FBXL12: variants seen among roughly 807,000 people sequenced by gnomAD.
The protein encoded by FBXL12 is F-box/LRR-repeat protein 12.
Under a neutral mutation model 24.9 loss-of-function variants are expected in FBXL12, and 22 were observed. The observed-to-expected ratio is 0.88, with a 90% confidence interval of 0.63 to 1.26. The LOEUF (loss-of-function observed/expected upper bound fraction) is 1.26, where lower values mean the gene tolerates loss of function less well. Among genes scored for constraint, FBXL12 ranks in the 50% most tolerant of loss-of-function variants. The probability of loss-of-function intolerance (pLI) is 0.00; values close to 1 mark genes in which losing one functional copy is unlikely to be tolerated. For missense variants in FBXL12, 384 were observed against 434.1 expected (o/e 0.88, Z 1.03); for synonymous variants, 193 against 193.8 (o/e 1.00, Z 0.03).
intron 2 of FBXL12, chr19:9,813,400 G>A (rs182569588): frequency 6.3e-6 from 3 of 475,998 alleles, no homozygotes; most frequent in African/African-American, 2.0e-5. Flanking sequence ...GCAATGGCAC[G>A]ATCTCAGTCA....
rs771880488 is a variant in FBXL12, at chr19:9,811,543, C to T, written c.334G>A (p.Ala112Thr). The T allele has an allele frequency of 6.2e-7, 1 of 1,609,596 alleles. No homozygotes were observed. The highest frequency in any genetic ancestry group is 1.7e-5 in the Admixed American group (1 of 59,830). The change falls in exon 3 of 3, where the codon GCC (alanine) becomes ACC (threonine). Residue 112 changes from alanine to threonine, a missense_variant. Physicochemically the swap from Ala to Thr is moderately conservative, Grantham distance 58. Transcript: ENST00000247977. This position sits in a 1 kb window ranked among gnomAD's most constrained non-coding sequence, Gnocchi z 6.0. ...GTGATGGGCACCATGCTCAGGTCGG[C>T]CACGTGCAGGCAGAGGCGCTTCAGG... ...PNLKRLCLHVADLSMVPITSL... is the reference protein window; with the variant it reads ...PNLKRLCLHVTDLSMVPITSL...
intron 2 of FBXL12, chr19:9,813,243 T>G: frequency 8.1e-7 from 1 of 1,231,530 alleles, no homozygotes; most frequent in Non-Finnish European, 1.0e-6. Flanking sequence ...CTGCCTTTTA[T>G]TGCTGGATTT....
intron 2 of FBXL12, among the ~76,000 whole-genome samples, chr19:9,814,923 C>T (rs1233353438): frequency 2.8e-5 from 4 of 142,130 alleles, no homozygotes; most frequent in Non-Finnish European, 5.9e-5. Context: ...CAAACTATAT[C>T]ATTCCACCCC....
At chr19:9,818,283 C>T (rs1599432922) in intron 2 of FBXL12, 1 of 558,462 alleles carries the variant, frequency 1.8e-6, no homozygotes, top group Admixed American at 3.2e-5. Context: ...GTTCTAAGCC[C>T]TTTCCCTGCG....
At chr19:9,816,234 T>C (rs1402053013) in intron 2 of FBXL12, among the ~76,000 whole-genome samples, 1 of 152,182 alleles carries the variant, frequency 6.6e-6, no homozygotes. Flanking sequence ...TTCCCCATGG[T>C]CCTAATTAGG....
intron 2 of FBXL12, chr19:9,813,502 ATT>A (rs1298019169): frequency 9.1e-3 from 1,381 of 152,468 alleles, no homozygotes; most frequent in Middle Eastern, 0.02. Flanking sequence ...TGCCCGGCTA[ATT>A]TTTTTTTTTT....
intron 2 of FBXL12, chr19:9,814,360 A>T (rs1172398901): frequency 6.6e-6 from 1 of 152,116 alleles, no homozygotes; most frequent in Non-Finnish European, 1.5e-5. Flanking sequence ...ACAAAAAAAA[A>T]TTAGCCGAGT....
Position 9,810,803 on chromosome 19 carries a change from A to C in FBXL12, c.*93T>G. 5.8e-6 allele frequency: 6 copies of C among 1,033,452 alleles called. No homozygotes were observed. In the South Asian group the frequency reaches 1.1e-4, roughly 18 times the overall value. The allele number at this position is 1,033,452 out of a possible 1,614,324, so 64.0% of individuals were successfully genotyped here. A position where few individuals can be genotyped will look rare whatever the true frequency, so the allele number is the denominator to read the frequency against. On this transcript the variant is annotated 3_prime_UTR_variant, in exon 3 of 3. Coordinates refer to ENST00000247977, the MANE Select transcript of FBXL12 (RefSeq NM_017703.3). The stretch of plus-strand genomic sequence containing the variant: ...TCAACCTGGGGCTTTCAGTTTCCTC[A>C]AGTCTGATTATCTGCCCTCTTCAAG...
intron 2 of FBXL12, chr19:9,818,095 C>G (rs1599432561): frequency 2.6e-6 from 1 of 385,010 alleles, no homozygotes; most frequent in South Asian, 1.3e-4. Context: ...GCCCGTGGTT[C>G]CAGCTACTCA....
In FBXL12 at chr19:9,818,743, C is replaced by T. The variant is rs781726992; in HGVS notation, c.71G>A (p.Arg24Gln). The T allele has an allele frequency of 1.9e-6, 3 of 1,548,502 alleles. No homozygotes were observed. The highest frequency in any genetic ancestry group is 2.6e-6 in the Non-Finnish European group (3 of 1,143,628). Residue 24 changes from arginine (R) to glutamine (Q), a missense_variant, in exon 1 of 3, where the codon CGG (arginine) becomes CAG (glutamine). Physicochemically the swap from Arg to Gln is conservative, Grantham distance 43. Coordinates refer to ENST00000247977, the MANE Select transcript of FBXL12 (RefSeq NM_017703.3). ...GGGGCCGCACCTGGAGATGCGGATC[C>T]GGTCCCGTACCGGGAGGTAAGAGAA... ...EIFSYLPVRD[R>Q]IRISRVCHRW...
chr19:9,810,891 A>C lies in FBXL12; in HGVS notation c.*5T>G. The C allele has an allele frequency of 6.4e-7, 1 of 1,572,238 alleles. No homozygotes were observed. Among genetic ancestry groups the C allele is most frequent in the African/African-American group, 1.3e-5 (1 of 74,308 alleles). ...TGGGATGGGTCCCAAGGGCAGGTGG[A>C]GTAGTTACATCCACCAGTCCATAGA... On this transcript the variant is annotated 3_prime_UTR_variant, in exon 3 of 3. Transcript: ENST00000247977.
intron 2 of FBXL12, chr19:9,818,323 G>A (rs1192628508): frequency 5.2e-6 from 3 of 575,794 alleles, no homozygotes; most frequent in African/African-American, 3.8e-5. Context: ...TAATAGCCCC[G>A]TGAGGCAGGT....
intron 2 of FBXL12, among the ~76,000 whole-genome samples, chr19:9,813,646 C>G (rs142757122): frequency 0.012 from 1,809 of 152,200 alleles, 37 homozygotes; most frequent in African/African-American, 0.04. Flanking sequence ...GTACTACAGG[C>G]GTATGCCACC....
chr19:9,812,779 C>CA (rs1568344434), intron 2 of FBXL12, among the ~76,000 whole-genome samples: 11 of 114,582 alleles, frequency 9.6e-5, no homozygotes, highest in African/African-American at 3.4e-4. Flanking sequence ...AAAAAAAAAA[C>CA]AACAAATGAA....
chr19:9,811,797 C>T lies in FBXL12; in HGVS notation c.160-80G>A, dbSNP rs2045761548. ...CCCTGCTGGGCTGGAGACACACAAC[C>T]CCGGGGTGGGGGATTCTGGTGCCCT... On this transcript the variant is annotated intron_variant, in intron 2 of 2. Coordinates refer to ENST00000247977, the MANE Select transcript of FBXL12 (RefSeq NM_017703.3). This position sits in a 1 kb window ranked among gnomAD's most constrained non-coding sequence, Gnocchi z 6.0. 1 of 1,256,716 alleles carries T rather than the reference C, an allele frequency of 8.0e-7. No individual in the cohort carries two copies. Among genetic ancestry groups the T allele is most frequent in the South Asian group, 2.0e-5 (1 of 50,932 alleles). The allele number at this position is 1,256,716 out of a possible 1,614,324, so 77.8% of individuals were successfully genotyped here.
chr19:9,813,364 G>C, intron 2 of FBXL12: 1 of 833,102 alleles, frequency 1.2e-6, no homozygotes, highest in Non-Finnish European at 1.6e-6. Flanking sequence ...TTGAGACGGA[G>C]TTTTGCTTGT....
At position 9,811,219 on chromosome 19, in the gene FBXL12, G is replaced by A. The variant is rs374258236; in HGVS notation, c.658C>T (p.Leu220=). 2.2e-5 allele frequency: 36 copies of A among 1,613,212 alleles called. No homozygotes were observed. In the African/African-American group the frequency reaches 3.9e-4, roughly 17 times the overall value. ...CGGAGGTGGCGGCTGATGGCCAGCA[G>A]GGTGCTGTCGGCAGACAGGGTGCAG... is the stretch of plus-strand genomic sequence containing the variant. The part of the protein sequence containing the change: ...LGCTLSADST[L]LAISRHLRDV... Residue 220 remains leucine (L), a synonymous_variant, in exon 3 of 3, where the codon CTG becomes TTG. Coordinates refer to ENST00000247977, the MANE Select transcript of FBXL12 (RefSeq NM_017703.3). This position sits in a 1 kb window ranked among gnomAD's most constrained non-coding sequence, Gnocchi z 6.0.
In FBXL12 at chr19:9,811,453, G is replaced by A; in HGVS notation, c.424C>T (p.His142Tyr). The change falls in exon 3 of 3, where the codon CAC (histidine) becomes TAC (tyrosine). Residue 142 changes from histidine to tyrosine, a missense_variant. Physicochemically the swap from His to Tyr is moderately conservative, Grantham distance 83 (BLOSUM62 2). Coordinates refer to ENST00000247977, the MANE Select transcript of FBXL12 (RefSeq NM_017703.3). The surrounding 1 kb of genome is among the most constrained non-coding windows in gnomAD (Gnocchi z 6.0). Reference sequence around the variant, plus strand: ...AGCACGGTGGGGTCCTGCTGCTTGTGGAGCCAGGCCATGGAGATCTCGCAG... The same window carrying A: ...AGCACGGTGGGGTCCTGCTGCTTGTAGAGCCAGGCCATGGAGATCTCGCAG... Reference protein sequence around the residue: ...HSCEISMAWLHKQQDPTVLPL... With the variant: ...HSCEISMAWLYKQQDPTVLPL... The A allele has an allele frequency of 6.2e-7, 1 of 1,613,858 alleles. No individual in the cohort carries two copies. Among genetic ancestry groups the A allele is most frequent in the Non-Finnish European group, 8.5e-7 (1 of 1,179,986 alleles).
At position 9,815,629 on chromosome 19, in the gene FBXL12, C is replaced by G. The variant is rs138981468; in HGVS notation, c.159+2916G>C. ...GGCATTTCCACACATCTTCTGAAAT[C>G]TAGGCAGAGGTTCCTAAACTTCAAT... On this transcript the variant is annotated intron_variant, in intron 2 of 2. Transcript: ENST00000247977. 5.6e-3 allele frequency among the ~76,000 whole-genome samples: 848 copies of G among 151,834 alleles called. 4 individuals carry two copies. Among genetic ancestry groups the G allele is most frequent in the African/African-American group, 0.019 (806 of 41,334 alleles).
Sources: allele counts gnomAD v4.1 joint callset (sites outside exome capture counted in the v4.1 genomes callset), GRCh38; gene constraint gnomAD v4.1.1; non-coding constraint Gnocchi (gnomAD v3.1); transcripts MANE v1.5; gene names NCBI Gene and HGNC (gene_info 2026-07-23, HGNC 2026-07-21).